The following ROBO1 variants were observed in gnomAD, a reference collection of about 807,000 sequenced individuals.
The protein encoded by ROBO1 is roundabout guidance receptor 1.
ROBO1 carries 149 observed loss-of-function variants against 195.9 expected under a neutral mutation model. The ratio of observed to expected loss-of-function variants is 0.76; its 90% CI spans 0.67 to 0.87. The LOEUF is 0.87. Ranked by LOEUF, ROBO1 falls within the 40% of genes least tolerant of loss-of-function variation. The pLI, the probability that ROBO1 is intolerant of heterozygous loss-of-function variation, is 0.00. For missense variants in ROBO1, 1,933 were observed against 2,068.3 expected (o/e 0.93, Z 1.27); for synonymous variants, 816 against 733.2 (o/e 1.11, Z -1.82).
At chr3:79,721,213 C>T (rs1702686298) in intron 1 of ROBO1, among the ~76,000 whole-genome samples, 1 of 152,080 alleles carries the variant, frequency 6.6e-6, no homozygotes, top group Non-Finnish European at 1.5e-5. Context: ...GTGAAGAACC[C>T]CTGTGCCAAA....
At chr3:79,299,247 G>T (rs560084891) in intron 2 of ROBO1, among the ~76,000 whole-genome samples, 1 of 152,098 alleles carries the variant, frequency 6.6e-6, no homozygotes, top group Non-Finnish European at 1.5e-5. Context: ...AAAATTTAGA[G>T]AAAAGAGCAT....
At chr3:79,385,398 A>G (rs537494597) in intron 2 of ROBO1, among the ~76,000 whole-genome samples, 6 of 152,114 alleles carry the variant, frequency 3.9e-5, no homozygotes, top group Non-Finnish European at 7.4e-5. Context: ...GCTGAAGAGT[A>G]TGGTGTGGTA....
In ROBO1 at chr3:79,523,356, C is replaced by T. The variant is rs545338754; in HGVS notation, c.88+66468G>A. ...ATATACTTCAAAATAACAGGTTCTA[C>T]ATGATAAATATACACAATTTTATGC... On this transcript the variant is annotated intron_variant, in intron 2 of 30. Coordinates refer to ENST00000464233, the MANE Select transcript of ROBO1 (RefSeq NM_002941.4). 1.4e-4 allele frequency among the ~76,000 whole-genome samples: 21 copies of T among 149,638 alleles called. No individual in the cohort carries two copies. In the South Asian group the frequency reaches 4.4e-3, roughly 31 times the overall value.
At chr3:78,861,327 G>A (rs2034822975) in intron 4 of ROBO1, among the ~76,000 whole-genome samples, 2 of 152,008 alleles carry the variant, frequency 1.3e-5, no homozygotes, top group Admixed American at 1.3e-4. Flanking sequence ...TAACATAATT[G>A]CCTCTTTCCA....
Position 79,704,538 on chromosome 3 carries a change from A to G in ROBO1, c.-51+63214T>C, listed in dbSNP as rs557392165. ...TGGTAGTTTTTTCTTTTAATGCTGC[A>G]TAGTATTCTATTGTCTGCATTAACA... On this transcript the variant is annotated intron_variant, in intron 1 of 30. Transcript: ENST00000464233. Among the ~76,000 whole-genome samples, 3 of 152,048 alleles carry G rather than the reference A, an allele frequency of 2.0e-5. No homozygotes were observed. In the South Asian group the frequency reaches 6.2e-4, roughly 32 times the overall value.
At chr3:79,541,699 A>C (rs1468731349) in intron 2 of ROBO1, among the ~76,000 whole-genome samples, 1 of 151,804 alleles carries the variant, frequency 6.6e-6, no homozygotes, top group Non-Finnish European at 1.5e-5. Flanking sequence ...TTTATATGTG[A>C]CATCTATAAG....
intron 2 of ROBO1, among the ~76,000 whole-genome samples, chr3:79,450,862 G>A (rs548530244): frequency 5.3e-5 from 8 of 151,698 alleles, no homozygotes; most frequent in Non-Finnish European, 8.8e-5. Flanking sequence ...TTGCAGTAAG[G>A]GGAAATGAAA....
chr3:79,741,683 G>A (rs36074614), intron 1 of ROBO1, among the ~76,000 whole-genome samples: 5,137 of 152,270 alleles, frequency 0.034, 96 homozygotes, highest in Middle Eastern at 0.054. Context: ...GTAACAGGCA[G>A]AGGTTGGAAC....
intron 2 of ROBO1, among the ~76,000 whole-genome samples, chr3:79,254,458 A>AC (rs2082790609): frequency 2.7e-5 from 4 of 149,070 alleles, no homozygotes; most frequent in Admixed American, 6.7e-5. Flanking sequence ...GCTCACACAC[A>AC]TTCACACACT....
chr3:79,645,059 A>T (rs1378462205), intron 1 of ROBO1, among the ~76,000 whole-genome samples: 8 of 152,136 alleles, frequency 5.3e-5, no homozygotes, highest in Non-Finnish European at 1.0e-4. Context: ...TACAGCAAAA[A>T]CAGTACTAAG....
chr3:78,702,481 GA>G (rs1202150682), intron 8 of ROBO1, among the ~76,000 whole-genome samples: 1 of 152,144 alleles, frequency 6.6e-6, no homozygotes, highest in African/African-American at 2.4e-5. Context: ...AATCAACTTA[GA>G]ATTAACTTTT....
chr3:78,984,124 T>C lies in ROBO1; in HGVS notation c.173-45197A>G, dbSNP rs574880580. 5.8e-4 allele frequency among the ~76,000 whole-genome samples: 88 copies of C among 152,342 alleles called. 1 individual carries two copies. The highest frequency in any genetic ancestry group is 9.6e-4 in the East Asian group (5 of 5,190). On this transcript the variant is annotated intron_variant, in intron 3 of 30. Coordinates refer to ENST00000464233, the MANE Select transcript of ROBO1 (RefSeq NM_002941.4). ...CTTTGTGCCAGACACTGCTCTATGC[T>C]ATATTAATATTTTACTTTATTCCCT...
At chr3:79,674,058 T>C (rs1946711046) in intron 1 of ROBO1, among the ~76,000 whole-genome samples, 1 of 152,062 alleles carries the variant, frequency 6.6e-6, no homozygotes, top group Non-Finnish European at 1.5e-5. Context: ...GGCAATAATC[T>C]ACTGCTTTCC....
chr3:79,242,325 A>G (rs1290388361), intron 2 of ROBO1, among the ~76,000 whole-genome samples: 1 of 152,154 alleles, frequency 6.6e-6, no homozygotes, highest in Non-Finnish European at 1.5e-5. Flanking sequence ...GGTTCTTGCT[A>G]TAATACCTAT....
intron 4 of ROBO1, among the ~76,000 whole-genome samples, chr3:78,906,871 G>GA (rs1007612919): frequency 1.2e-4 from 18 of 150,912 alleles, no homozygotes; most frequent in African/African-American, 3.2e-4. Flanking sequence ...TAAATTTTTT[G>GA]AAAAAAAAGA....
chr3:79,000,067 G>A (rs1021385371), intron 3 of ROBO1, among the ~76,000 whole-genome samples: 5 of 151,996 alleles, frequency 3.3e-5, no homozygotes, highest in African/African-American at 1.2e-4. Flanking sequence ...ATGCTGCTAT[G>A]AAGACCTACC....
chr3:78,924,287 C>G (rs2039094464), intron 4 of ROBO1, among the ~76,000 whole-genome samples: 2 of 152,004 alleles, frequency 1.3e-5, no homozygotes, highest in Admixed American at 1.3e-4. Context: ...ACAATTATAT[C>G]TAATCAATTT....
chr3:79,265,312 G>A (rs1430676232), intron 2 of ROBO1, among the ~76,000 whole-genome samples: 1 of 148,594 alleles, frequency 6.7e-6, no homozygotes, highest in Non-Finnish European at 1.5e-5. Context: ...TTTTTTTGCT[G>A]AGGTTTTTAG....
At chr3:78,636,174 T>C in intron 22 of ROBO1, 66 bp from the exon 23 acceptor site, 2 of 1,196,614 alleles carry the variant, frequency 1.7e-6, no homozygotes, top group Non-Finnish European at 2.3e-6. Context: ...AATTTCTTTT[T>C]ACGTAGCTTT....
Sources: allele counts gnomAD v4.1 joint callset (sites outside exome capture counted in the v4.1 genomes callset), GRCh38; gene constraint gnomAD v4.1.1; transcripts MANE v1.5; gene names NCBI Gene and HGNC (gene_info 2026-07-23, HGNC 2026-07-21).